Variants in PRPF8 observed in about 807,000 individuals in gnomAD.
PRPF8 encodes the protein pre-mRNA processing factor 8.
Under a neutral mutation model 285.9 loss-of-function variants are expected in PRPF8, and 64 were observed. That is an observed-to-expected ratio of 0.22 (90% confidence interval 0.18 to 0.28). The LOEUF (loss-of-function observed/expected upper bound fraction) is 0.28, where lower values mean the gene tolerates loss of function less well. PRPF8 is among the 10% of genes least tolerant of loss of function. The pLI is 1.00. For synonymous variants in PRPF8, 1,325 were observed against 1,118.2 expected (o/e 1.18, Z -3.69); for missense variants, 1,426 against 3,026.7 (o/e 0.47, Z 12.41).
In PRPF8 at chr17:1,651,564, A is replaced by C. The variant is rs1911068646; in HGVS notation, c.6511-11T>G. The stretch of plus-strand genomic sequence containing the variant: ...TAAGGGTTCCATCTCCTATAGGTAA[A>C]GAGGAGTACAGAGCTGAATCCCATC... On this transcript the variant is annotated splice_polypyrimidine_tract_variant and intron_variant, in intron 40 of 42. Coordinates refer to ENST00000304992, the MANE Select transcript of PRPF8 (RefSeq NM_006445.4). The surrounding 1 kb of genome is among the most constrained non-coding windows in gnomAD (Gnocchi z 5.1). 6.2e-7 allele frequency: 1 copy of C among 1,614,074 alleles called. No individual in the cohort carries two copies. The highest frequency in any genetic ancestry group is 1.1e-5 in the South Asian group (1 of 91,086).
At position 1,659,215 on chromosome 17, in the gene PRPF8, A is replaced by G; in HGVS notation, c.5138+142T>C. 1.1e-6 allele frequency: 1 copy of G among 932,522 alleles called. No homozygotes were observed. Among genetic ancestry groups the G allele is most frequent in the Non-Finnish European group, 1.7e-6 (1 of 589,600 alleles). 57.8% of individuals were successfully genotyped at this position (932,522 alleles called of 1,614,324 possible). The stretch of plus-strand genomic sequence containing the variant: ...TAATTTTTTGTATTTTGGTAGAGAC[A>G]GGGTTTCACCATGTTGCCCAGACTG... On this transcript the variant is annotated intron_variant, in intron 32 of 42. Transcript: ENST00000304992. This position sits in a 1 kb window ranked among gnomAD's most constrained non-coding sequence, Gnocchi z 5.1.
Position 1,675,367 on chromosome 17 carries a change from C to T in PRPF8, c.2873-28G>A, listed in dbSNP as rs1166312013. On this transcript the variant is annotated intron_variant, in intron 19 of 42. Coordinates refer to ENST00000304992, the MANE Select transcript of PRPF8 (RefSeq NM_006445.4). The surrounding 1 kb of genome is among the most constrained non-coding windows in gnomAD (Gnocchi z 6.0). Reference sequence around the variant, plus strand: ...GAGGAGTAGCAAGGCAGGTCTCCAGCAGGTTAGAAATCCTCTTGCAAGACT... The same window carrying T: ...GAGGAGTAGCAAGGCAGGTCTCCAGTAGGTTAGAAATCCTCTTGCAAGACT... The T allele has an allele frequency of 2.5e-6, 4 of 1,613,424 alleles. No homozygotes were observed. The highest frequency in any genetic ancestry group is 2.5e-6 in the Non-Finnish European group (3 of 1,179,590).
At chr17:1,660,171 G>A (rs1445482660) in intron 30 of PRPF8, among the ~76,000 whole-genome samples, 170 bp from the exon 31 acceptor site, 7 of 150,680 alleles carry the variant, frequency 4.6e-5, no homozygotes, top group African/African-American at 1.2e-4. Context: ...CGCTCTCCCC[G>A]CGATTCCACC....
Position 1,676,988 on chromosome 17 carries a change from G to A in PRPF8, c.2169C>T (p.Asn723=). The part of the protein sequence containing the change: ...LSEAWRCWKA[N]IPWKVPGLPT... ...AAGAGACACCCACCTTCCAGGGAAT[G>A]TTGGCTTTCCAGCAGCGCCAGGCTT... The change falls in exon 15 of 43, where the codon AAC becomes AAT. Residue 723 remains asparagine (N), a synonymous_variant. Transcript: ENST00000304992. This position sits in a 1 kb window ranked among gnomAD's most constrained non-coding sequence, Gnocchi z 6.3. The A allele has an allele frequency of 6.2e-7, 1 of 1,613,964 alleles. No individual in the cohort carries two copies. The highest frequency in any genetic ancestry group is 8.5e-7 in the Non-Finnish European group (1 of 1,180,028).
chr17:1,669,904 C>A (rs1912213312), intron 24 of PRPF8, among the ~76,000 whole-genome samples: 2 of 152,186 alleles, frequency 1.3e-5, no homozygotes, highest in Admixed American at 1.3e-4. Flanking sequence ...GTCACTCATT[C>A]TTGAGCTTTT....
chr17:1,654,208 G>T, intron 37 of PRPF8, 192 bp from the exon 38 acceptor site: 1 of 790,676 alleles, frequency 1.3e-6, no homozygotes, highest in Non-Finnish European at 2.1e-6. Flanking sequence ...ATCCAAGCGG[G>T]ACAGCACACT....
chr17:1,658,484 A>C lies in PRPF8; in HGVS notation c.5376+42T>G, dbSNP rs1455909478. ...CTTAGCCCATTACTCTCCCACAGCC[A>C]TGTACAGAGTCCCGCACCTATACAC... On this transcript the variant is annotated intron_variant, in intron 33 of 42. Transcript: ENST00000304992. The surrounding 1 kb of genome is among the most constrained non-coding windows in gnomAD (Gnocchi z 4.1). 1.1e-5 allele frequency: 18 copies of C among 1,612,070 alleles called. No homozygotes were observed. The highest frequency in any genetic ancestry group is 1.4e-5 in the Non-Finnish European group (16 of 1,178,252).
chr17:1,682,347 C>A (rs1021509790), intron 3 of PRPF8, 54 bp from the exon 4 acceptor site: 57 of 1,580,442 alleles, frequency 3.6e-5, no homozygotes, highest in Non-Finnish European at 4.7e-5. Context: ...GTTCTGCTAC[C>A]TGTCCCATGC....
Position 1,660,007 on chromosome 17 carries a change from G to A in PRPF8, c.4786-6C>T. On this transcript the variant is annotated splice_polypyrimidine_tract_variant and splice_region_variant and intron_variant, in intron 30 of 42. Coordinates refer to ENST00000304992, the MANE Select transcript of PRPF8 (RefSeq NM_006445.4). The stretch of plus-strand genomic sequence containing the variant: ...TCAAGTTCCTGGTCAAACACCTGAA[G>A]GAAAACATGGAGAGATTAAGACTTG... The A allele has an allele frequency of 6.2e-7, 1 of 1,613,866 alleles. No homozygotes were observed. The highest frequency in any genetic ancestry group is 8.5e-7 in the Non-Finnish European group (1 of 1,179,770).
rs769470731 is a variant in PRPF8 at position 1,677,000 on chromosome 17, G to A, written c.2157C>T (p.Cys719=). 1 of 1,613,988 alleles carries A rather than the reference G, an allele frequency of 6.2e-7. No individual in the cohort carries two copies. The highest frequency in any genetic ancestry group is 8.5e-7 in the Non-Finnish European group (1 of 1,180,022). Residue 719 remains cysteine, a synonymous_variant, in exon 15 of 43, where the codon TGC becomes TGT. Coordinates refer to ENST00000304992, the MANE Select transcript of PRPF8 (RefSeq NM_006445.4). This position sits in a 1 kb window ranked among gnomAD's most constrained non-coding sequence, Gnocchi z 6.3. The part of the protein sequence containing the change: ...ILQHLSEAWR[C]WKANIPWKVP... ...CCTTCCAGGGAATGTTGGCTTTCCA[G>A]CAGCGCCAGGCTTCACTGAGGTGCT...
At chr17:1,684,291 C>A (rs1913106080) in intron 2 of PRPF8, among the ~76,000 whole-genome samples, 181 bp downstream of exon 2, 1 of 152,216 alleles carries the variant, frequency 6.6e-6, no homozygotes. Flanking sequence ...CTACTGTACC[C>A]CCGCTGGATC....
At chr17:1,683,186 G>A (rs556768164) in intron 3 of PRPF8, 5 of 341,106 alleles carry the variant, frequency 1.5e-5, no homozygotes, top group Non-Finnish European at 2.9e-5. Context: ...TAGTAGAGAC[G>A]GGGTTTCACC....
Position 1,675,587 on chromosome 17 carries a change from G to A in PRPF8, c.2872+33C>T, listed in dbSNP as rs775112961. 19 of 1,613,022 alleles carry A rather than the reference G, an allele frequency of 1.2e-5. No homozygotes were observed. The highest frequency in any genetic ancestry group is 5.5e-5 in the South Asian group (5 of 91,070). ...TGACGTAGAACTAAATTCCTGCCCC[G>A]TTCCTCACAGGGCGATCTCATGAAA... is the stretch of plus-strand genomic sequence containing the variant. On this transcript the variant is annotated intron_variant, in intron 19 of 42. Transcript: ENST00000304992. This position sits in a 1 kb window ranked among gnomAD's most constrained non-coding sequence, Gnocchi z 6.0.
chr17:1,682,906 T>G (rs1440380003), intron 3 of PRPF8: 1 of 177,740 alleles, frequency 5.6e-6, no homozygotes, highest in Admixed American at 5.4e-5. Flanking sequence ...AAACACAGAA[T>G]TCAGGTCCCT....
At chr17:1,656,862 T>C (rs976227919) in intron 34 of PRPF8, 101 bp from the exon 35 acceptor site, 14 of 1,054,826 alleles carry the variant, frequency 1.3e-5, no homozygotes, top group South Asian at 1.2e-4. Context: ...TACGTTTCTA[T>C]TGAACACTGA....
chr17:1,651,507 G>A lies in PRPF8; in HGVS notation c.6557C>T (p.Pro2186Leu). ...GWIHTQPNES[P>L]QLSPQDVTTH... The stretch of plus-strand genomic sequence containing the variant: ...GGTGACATCCTGGGGTGATAACTGC[G>A]GGGACTCATTGGGCTGAGTGTGGAT... Residue 2186 changes from proline (P) to leucine (L), a missense_variant, in exon 41 of 43, where the codon CCG becomes CTG. By Grantham distance (98) the Pro-to-Leu change is moderately conservative. Around this residue, in one of 34 missense-constraint regions of PRPF8, gnomAD observed 160 missense variants for 373.7 expected, o/e 0.43. Transcript: ENST00000304992. This position sits in a 1 kb window ranked among gnomAD's most constrained non-coding sequence, Gnocchi z 5.1. 2.5e-6 allele frequency: 4 copies of A among 1,614,124 alleles called. No individual in the cohort carries two copies. Among genetic ancestry groups the A allele is most frequent in the African/African-American group, 1.3e-5 (1 of 75,012 alleles).
intron 24 of PRPF8, among the ~76,000 whole-genome samples, chr17:1,664,618 G>T (rs1238225116): frequency 3.3e-5 from 5 of 151,686 alleles, no homozygotes; most frequent in African/African-American, 1.2e-4. Flanking sequence ...TCCAACCTAG[G>T]CAAGAGTGAG....
chr17:1,661,517 T>C lies in PRPF8; in HGVS notation c.4202+94A>G, dbSNP rs1911675833. ...AGTAGAACCAGCCTTCTCACCTCCA[T>C]ACAACCATGGCATGCTCTGACCCTG... On this transcript the variant is annotated intron_variant, in intron 26 of 42. Coordinates refer to ENST00000304992, the MANE Select transcript of PRPF8 (RefSeq NM_006445.4). This position sits in a 1 kb window ranked among gnomAD's most constrained non-coding sequence, Gnocchi z 7.3. The C allele has an allele frequency of 6.8e-6, 11 of 1,608,920 alleles. No homozygotes were observed. In the Admixed American group the frequency reaches 1.0e-4, roughly 15 times the overall value.
Position 1,681,641 on chromosome 17 carries a change from T to A in PRPF8, c.703A>T (p.Met235Leu), listed in dbSNP as rs1166354654. 1 of 1,614,088 alleles carries A rather than the reference T, an allele frequency of 6.2e-7. No homozygotes were observed. The highest frequency in any genetic ancestry group is 8.5e-7 in the Non-Finnish European group (1 of 1,180,020). Residue 235 changes from methionine (M) to leucine (L), a missense_variant, in exon 6 of 43, where the codon ATG becomes TTG. Met to Leu is a conservative substitution (Grantham distance 15, BLOSUM62 2). This residue lies in a region of PRPF8 where 157 missense variants were observed against 159.6 expected (regional missense o/e 0.98). Transcript: ENST00000304992. ...TTAGCCAGGCGGTAGAGAGTCGACA[T>A]CATAGGTAGTGTGAACTGCCAGCGC... ...YQRWQFTLPM[M>L]STLYRLANQL...
Sources: gnomAD v4.1 joint callset for allele counts (sites outside exome capture counted in the v4.1 genomes callset) on GRCh38, gnomAD v4.1.1 for gene constraint, gnomAD v4.1.1 regional missense constraint, Gnocchi (gnomAD v3.1) non-coding constraint, MANE v1.5 for transcripts, NCBI Gene and HGNC (gene_info 2026-07-23, HGNC 2026-07-21) for gene names.